TENM2: variants seen among roughly 807,000 people sequenced by gnomAD.
TENM2 encodes the protein teneurin-2.
In TENM2, 52 loss-of-function variants were observed where a neutral mutation model predicts 245.2. The observed-to-expected ratio is 0.21, with a 90% CI of 0.17 to 0.27. The LOEUF (loss-of-function observed/expected upper bound fraction) is 0.27. Among genes scored for constraint, TENM2 ranks in the 10% least tolerant of loss-of-function variants. TENM2 has a pLI of 1.00. For missense variants in TENM2, 3,046 were observed against 3,666.8 expected (o/e 0.83, Z 4.37); for synonymous variants, 1,363 against 1,438.9 (o/e 0.95, Z 1.19).
chr5:167,267,623 A>C, the TENM2 span, among the ~76,000 whole-genome samples: 1 of 152,150 alleles, frequency 6.6e-6, no homozygotes, highest in Admixed American at 6.5e-5. Flanking sequence ...ATTTGATACT[A>C]TGTTGGGCAA....
chr5:167,375,540 T>C, intron 2 of TENM2, 67 bp downstream of exon 4: 1 of 1,479,864 alleles, frequency 6.8e-7, no homozygotes, highest in East Asian at 2.5e-5. Flanking sequence ...TTGAATGTTT[T>C]TGTTTTTTAA....
Position 167,549,993 on chromosome 5 carries a change from G to T in TENM2, c.502+174520G>T, listed in dbSNP as rs372255331. Among the ~76,000 whole-genome samples the T allele has an allele frequency of 2.0e-3, 310 of 152,272 alleles. 12 individuals carry two copies. The South Asian group carries it at 0.062, about 31-fold the overall frequency. On this transcript the variant is annotated intron_variant, in intron 2 of 28. Coordinates refer to ENST00000518659, the Ensembl canonical transcript of TENM2. Reference sequence around the variant, plus strand: ...TGGAATTGAGAGGATTTTGTGCTGCGATGTGGTGAGAAGGCTTGCCAGAAA... The same window carrying T: ...TGGAATTGAGAGGATTTTGTGCTGCTATGTGGTGAGAAGGCTTGCCAGAAA...
intron 3 of TENM2, among the ~76,000 whole-genome samples, chr5:167,895,408 T>C (rs1001726720): frequency 6.6e-6 from 1 of 152,248 alleles, no homozygotes; most frequent in Non-Finnish European, 1.5e-5. Context: ...GTTCTCGTCC[T>C]TTCATTAATG....
intron 1 of TENM2, among the ~76,000 whole-genome samples, chr5:167,322,761 G>A (rs1179780563): frequency 6.6e-6 from 1 of 152,162 alleles, no homozygotes; most frequent in Non-Finnish European, 1.5e-5. Flanking sequence ...AATTTGTTGA[G>A]AGAACCATTA....
chr5:167,149,587 A>G, the TENM2 span, among the ~76,000 whole-genome samples: 2 of 152,130 alleles, frequency 1.3e-5, no homozygotes, highest in African/African-American at 4.8e-5. Flanking sequence ...CCCAGGGTCC[A>G]GCACAGATCA....
intron 2 of TENM2, among the ~76,000 whole-genome samples, chr5:167,407,526 A>G (rs1351155034): frequency 6.6e-6 from 1 of 151,440 alleles, no homozygotes; most frequent in Non-Finnish European, 1.5e-5. Flanking sequence ...TCTTTTGTAG[A>G]AAAAAAAATG....
chr5:167,731,385 T>C (rs1355054246), intron 2 of TENM2, among the ~76,000 whole-genome samples: 1 of 152,076 alleles, frequency 6.6e-6, no homozygotes, highest in Non-Finnish European at 1.5e-5. Context: ...ACATCTTTTA[T>C]CAAGTGCATG....
rs1298198401 is a variant in TENM2, at chr5:168,215,279, G to A, written c.4078+7G>A. 11 of 1,611,220 alleles carry A rather than the reference G, an allele frequency of 6.8e-6. No individual in the cohort carries two copies. The highest frequency in any genetic ancestry group is 9.3e-6 in the Non-Finnish European group (11 of 1,177,524). On this transcript the variant is annotated splice_region_variant and intron_variant, in intron 21 of 28. Coordinates refer to ENST00000518659, the Ensembl canonical transcript of TENM2. Reference sequence around the variant, plus strand: ...ACCCTGATGAGCCCGAGAGGTAAAGGACATCAAGGAAGAGTCTCCCGCCCC... The same window carrying A: ...ACCCTGATGAGCCCGAGAGGTAAAGAACATCAAGGAAGAGTCTCCCGCCCC...
At chr5:168,153,254 T>G (rs1296369474) in intron 12 of TENM2, among the ~76,000 whole-genome samples, 1 of 152,166 alleles carries the variant, frequency 6.6e-6, no homozygotes, top group Non-Finnish European at 1.5e-5. Flanking sequence ...CTGGGTCGCT[T>G]CCTCAGAGAT....
At chr5:167,512,220 AG>A (rs1205714051) in intron 2 of TENM2, among the ~76,000 whole-genome samples, 5 of 152,220 alleles carry the variant, frequency 3.3e-5, no homozygotes, top group African/African-American at 1.2e-4. Flanking sequence ...ATTTGAGAAC[AG>A]CATATAAATT....
At chr5:167,236,979 T>C in the TENM2 span, among the ~76,000 whole-genome samples, 2 of 151,990 alleles carry the variant, frequency 1.3e-5, no homozygotes, top group Non-Finnish European at 2.9e-5. Flanking sequence ...CCAAGGTAAA[T>C]GTCTATATTT....
the TENM2 span, among the ~76,000 whole-genome samples, chr5:166,982,791 T>TTGGG: frequency 1.0e-4 from 15 of 149,618 alleles, no homozygotes; most frequent in African/African-American, 3.4e-4. Context: ...ATGTTTTTTT[T>TTGGG]GGGGGGGGGA....
chr5:167,323,867 C>T (rs765544288), intron 1 of TENM2, among the ~76,000 whole-genome samples: 3 of 152,110 alleles, frequency 2.0e-5, no homozygotes, highest in Admixed American at 6.6e-5. Context: ...GAGAAATGTA[C>T]GAAGTCAGAA....
chr5:167,891,570 A>G (rs1774762294), intron 3 of TENM2, among the ~76,000 whole-genome samples: 2 of 152,144 alleles, frequency 1.3e-5, no homozygotes, highest in African/African-American at 4.8e-5. Flanking sequence ...ACCCACTAAG[A>G]TCAGTGCTAA....
At chr5:167,895,874 T>C (rs565875375) in intron 3 of TENM2, among the ~76,000 whole-genome samples, 6 of 152,236 alleles carry the variant, frequency 3.9e-5, no homozygotes, top group African/African-American at 7.2e-5. Context: ...GAGAACTAGA[T>C]AACAGGGAGC....
intron 2 of TENM2, among the ~76,000 whole-genome samples, chr5:167,721,992 C>T (rs1285799734): frequency 6.6e-6 from 1 of 152,184 alleles, no homozygotes; most frequent in Non-Finnish European, 1.5e-5. Context: ...GTTTCCTTCC[C>T]ACTCATGCTG....
chr5:168,225,489 C>T (rs573931854), intron 23 of TENM2, among the ~76,000 whole-genome samples: 5 of 152,206 alleles, frequency 3.3e-5, no homozygotes, highest in Admixed American at 6.5e-5. Context: ...GGGCCAAGTG[C>T]GTGGCTCACG....
the TENM2 span, among the ~76,000 whole-genome samples, chr5:167,255,826 G>A: frequency 6.6e-6 from 1 of 152,152 alleles, no homozygotes; most frequent in East Asian, 1.9e-4. Context: ...GGGTTTGGTA[G>A]GATTTAAGTT....
intron 4 of TENM2, among the ~76,000 whole-genome samples, chr5:167,982,464 T>A (rs1445724623): frequency 6.6e-6 from 1 of 152,238 alleles, no homozygotes; most frequent in Non-Finnish European, 1.5e-5. Context: ...GGCAATGCAG[T>A]ACATACATAT....
Sources: gnomAD v4.1 joint callset for allele counts (sites outside exome capture counted in the v4.1 genomes callset) on GRCh38, gnomAD v4.1.1 for gene constraint, MANE v1.5 for transcripts, NCBI Gene and HGNC (gene_info 2026-07-23, HGNC 2026-07-21) for gene names.